The following ADARB1 variants were observed in gnomAD, a reference collection of about 807,000 sequenced individuals.
ADARB1 encodes the protein double-stranded RNA-specific editase 1.
A neutral mutation model predicts 52.4 loss-of-function variants in ADARB1; 10 were observed. The ratio of observed to expected loss-of-function variants is 0.19; its 90% CI spans 0.12 to 0.32. The LOEUF is 0.32. Among genes scored for constraint, ADARB1 ranks in the 10% least tolerant of loss-of-function variants. ADARB1 has a pLI of 1.00. For synonymous variants in ADARB1, 349 were observed against 371.1 expected (o/e 0.94, Z 0.68); for missense variants, 643 against 922.3 (o/e 0.70, Z 3.92).
rs2092988718 is a variant in ADARB1 at position 45,222,790 on chromosome 21, G to A, written c.*593G>A. ...CTCCCTGGGTAGTTCCACACACTAG[G>A]TTGTAACAGTCTCTCCCTGAGGAGC... On this transcript the variant is annotated 3_prime_UTR_variant, in exon 11 of 11. Coordinates refer to ENST00000348831, the MANE Select transcript of ADARB1 (RefSeq NM_001112.4). The A allele has an allele frequency of 2.0e-6, 2 of 985,474 alleles. No homozygotes were observed. The highest frequency in any genetic ancestry group is 1.7e-5 in the African/African-American group (1 of 57,214). The allele number at this position is 985,474 out of a possible 1,614,324, so 61.0% of individuals were successfully genotyped here.
At chr21:45,213,643 A>G (rs2092810790) in intron 9 of ADARB1, among the ~76,000 whole-genome samples, 1 of 152,206 alleles carries the variant, frequency 6.6e-6, no homozygotes, top group Non-Finnish European at 1.5e-5. Context: ...AAATGTCATC[A>G]TAAGGTTTGC....
chr21:45,125,915 CTT>C (rs375599429), intron 1 of ADARB1, among the ~76,000 whole-genome samples: 1 of 152,218 alleles, frequency 6.6e-6, no homozygotes, highest in African/African-American at 2.4e-5. Context: ...GGTAGGCACT[CTT>C]TAATTTTTTT....
At chr21:45,202,418 G>C (rs2092574642) in intron 8 of ADARB1, among the ~76,000 whole-genome samples, 1 of 152,158 alleles carries the variant, frequency 6.6e-6, no homozygotes, top group African/African-American at 2.4e-5. Flanking sequence ...TTTGTCATGT[G>C]CTGCCTACCC....
chr21:45,204,426 C>A lies in ADARB1; in HGVS notation c.1566-129C>A. 2 of 817,366 alleles carry A rather than the reference C, an allele frequency of 2.4e-6. No individual in the cohort carries two copies. Among genetic ancestry groups the A allele is most frequent in the Non-Finnish European group, 3.9e-6 (2 of 517,996 alleles). The allele number at this position is 817,366 out of a possible 1,614,324, so 50.6% of individuals were successfully genotyped here. ...AAATCAGTCTGTTAACTTTTTGTTG[C>A]ACTCCTTCGTCAGTTGGTTGGGATC... On this transcript the variant is annotated intron_variant, in intron 8 of 10. Transcript: ENST00000348831. This position sits in a 1 kb window ranked among gnomAD's most constrained non-coding sequence, Gnocchi z 4.4.
chr21:45,123,595 G>T (rs541566488), intron 1 of ADARB1, among the ~76,000 whole-genome samples: 1 of 152,118 alleles, frequency 6.6e-6, no homozygotes, highest in Non-Finnish European at 1.5e-5. Flanking sequence ...GTGAGCCATC[G>T]TGCTGGCCTT....
intron 2 of ADARB1, among the ~76,000 whole-genome samples, chr21:45,136,113 G>A (rs778613743): frequency 4.6e-5 from 7 of 152,100 alleles, no homozygotes; most frequent in Non-Finnish European, 8.8e-5. Context: ...AAAACCAGGG[G>A]AAGGAGTGGA....
At chr21:45,182,798 A>C (rs1445241847) in intron 6 of ADARB1, 45 bp downstream of exon 6, 2 of 1,477,918 alleles carry the variant, frequency 1.4e-6, no homozygotes, top group Non-Finnish European at 1.8e-6. Context: ...TTTTTAAAAA[A>C]TATTCCTCTA....
chr21:45,077,984 T>C (rs1288617064), intron 1 of ADARB1, among the ~76,000 whole-genome samples: 4 of 152,200 alleles, frequency 2.6e-5, no homozygotes, highest in Non-Finnish European at 5.9e-5. Context: ...GCACCTTCCA[T>C]TTGCAGAGTT....
chr21:45,218,084 G>A (rs1156816206), intron 9 of ADARB1, among the ~76,000 whole-genome samples: 14 of 152,070 alleles, frequency 9.2e-5, no homozygotes, highest in Non-Finnish European at 1.9e-4. Flanking sequence ...TAATCCATGG[G>A]TTTGTTGGTT....
At chr21:45,215,268 G>A (rs1038043024) in intron 9 of ADARB1, among the ~76,000 whole-genome samples, 3 of 152,006 alleles carry the variant, frequency 2.0e-5, no homozygotes, top group Non-Finnish European at 4.4e-5. Context: ...GATTGGTCTT[G>A]AACTCCTGGC....
intron 1 of ADARB1, among the ~76,000 whole-genome samples, chr21:45,088,465 C>A (rs752968827): frequency 6.6e-6 from 1 of 152,128 alleles, no homozygotes; most frequent in Non-Finnish European, 1.5e-5. Flanking sequence ...GTCAGTATCA[C>A]TACTGATACT....
At chr21:45,093,313 C>T (rs999338214) in intron 1 of ADARB1, among the ~76,000 whole-genome samples, 1 of 152,160 alleles carries the variant, frequency 6.6e-6, no homozygotes, top group Non-Finnish European at 1.5e-5. Flanking sequence ...GGCCCTAGAT[C>T]TGGGGCTACA....
Position 45,182,578 on chromosome 21 carries a change from T to C in ADARB1, c.1079-7T>C. ...CAGAAAATAGTGTCTCTTTTTTTTTTTTTCAGGCACAGATGTTAAAGATGC... is the reference window on the plus strand; with the variant it reads ...CAGAAAATAGTGTCTCTTTTTTTTTCTTTCAGGCACAGATGTTAAAGATGC... On this transcript the variant is annotated splice_polypyrimidine_tract_variant and splice_region_variant and intron_variant, in intron 5 of 10. Transcript: ENST00000348831. 2 of 1,582,266 alleles carry C rather than the reference T, an allele frequency of 1.3e-6. No homozygotes were observed. The highest frequency in any genetic ancestry group is 1.7e-4 in the Middle Eastern group (1 of 5,982).
chr21:45,124,031 T>G (rs1057292573), intron 1 of ADARB1, among the ~76,000 whole-genome samples: 1 of 152,240 alleles, frequency 6.6e-6, no homozygotes, highest in Non-Finnish European at 1.5e-5. Flanking sequence ...AGTATATTCT[T>G]TTGTGTTTCT....
chr21:45,201,892 A>C (rs2092561951), intron 8 of ADARB1, among the ~76,000 whole-genome samples: 2 of 151,992 alleles, frequency 1.3e-5, no homozygotes, highest in Admixed American at 1.3e-4. Context: ...CAGGGACCTA[A>C]AGTGGGGGCA....
rs909145199 is a variant in ADARB1, at chr21:45,222,258, C to G, written c.*61C>G. 1.5e-5 allele frequency: 23 copies of G among 1,491,620 alleles called. No homozygotes were observed. Among genetic ancestry groups the G allele is most frequent in the Non-Finnish European group, 2.0e-5 (22 of 1,126,328 alleles). 92.4% of individuals were successfully genotyped at this position (1,491,620 alleles called of 1,614,324 possible). ...GGGCATCCAGCGTCATCCTCCAGAA[C>G]CTCACATCTGAACTGGGGGCAGGTG... On this transcript the variant is annotated 3_prime_UTR_variant, in exon 11 of 11. Coordinates refer to ENST00000348831, the MANE Select transcript of ADARB1 (RefSeq NM_001112.4).
intron 1 of ADARB1, among the ~76,000 whole-genome samples, chr21:45,109,257 ATGTG>A (rs67635476): frequency 0.05 from 3,941 of 78,552 alleles, 186 homozygotes; most frequent in African/African-American, 0.15. Flanking sequence ...GCGTGTGCGT[ATGTG>A]TGTGCACTGC....
intron 1 of ADARB1, among the ~76,000 whole-genome samples, chr21:45,106,542 G>C (rs2087266472): frequency 6.6e-6 from 1 of 152,174 alleles, no homozygotes; most frequent in South Asian, 2.1e-4. Flanking sequence ...GCTTTTAGCT[G>C]TCCCCCTTTT....
intron 2 of ADARB1, among the ~76,000 whole-genome samples, chr21:45,129,627 C>T (rs989424192): frequency 2.6e-5 from 4 of 152,222 alleles, no homozygotes; most frequent in African/African-American, 4.8e-5. Flanking sequence ...AGCCGTGCTC[C>T]CGCCTGGGAG....
Sources: gnomAD v4.1 joint callset for allele counts (sites outside exome capture counted in the v4.1 genomes callset) on GRCh38, gnomAD v4.1.1 for gene constraint, Gnocchi (gnomAD v3.1) non-coding constraint, MANE v1.5 for transcripts, NCBI Gene and HGNC (gene_info 2026-07-23, HGNC 2026-07-21) for gene names.